Variants in COMMD1 observed in about 807,000 individuals in gnomAD.
COMMD1 encodes copper metabolism domain containing 1.
Under a neutral mutation model 17.2 loss-of-function variants are expected in COMMD1, and 10 were observed. That is an observed-to-expected ratio of 0.58 (90% confidence interval 0.36 to 0.99). The LOEUF is 0.99. COMMD1 is among the 50% of genes least tolerant of loss of function. COMMD1 has a pLI of 0.01. For missense variants in COMMD1, 270 were observed against 231.8 expected (o/e 1.17, Z -1.07); for synonymous variants, 97 against 91.6 (o/e 1.06, Z -0.34).
chr2:62,037,639 T>C (rs1670076708), intron 2 of COMMD1, among the ~76,000 whole-genome samples: 1 of 152,216 alleles, frequency 6.6e-6, no homozygotes, highest in South Asian at 2.1e-4. Context: ...AGTTATGATG[T>C]TACCCAGAAG....
At chr2:62,098,454 TTGA>T (rs1672079260) in intron 2 of COMMD1, among the ~76,000 whole-genome samples, 1 of 60,194 alleles carries the variant, frequency 1.7e-5, no homozygotes, top group Admixed American at 1.7e-4. Context: ...TCAGCTAGGG[TTGA>T]TGTCAGCTAG....
At chr2:62,052,322 G>A (rs1329720831) in intron 2 of COMMD1, among the ~76,000 whole-genome samples, 1 of 151,920 alleles carries the variant, frequency 6.6e-6, no homozygotes, top group Non-Finnish European at 1.5e-5. Context: ...TTATAACCTG[G>A]TATTTAAATA....
intron 1 of COMMD1, among the ~76,000 whole-genome samples, chr2:61,939,438 C>A (rs189935563): frequency 2.8e-4 from 43 of 151,602 alleles, no homozygotes; most frequent in African/African-American, 9.7e-4. Flanking sequence ...TGCACTCCAG[C>A]CTGGGCGACA....
chr2:62,061,960 A>G (rs1372032178), intron 2 of COMMD1, among the ~76,000 whole-genome samples: 1 of 150,056 alleles, frequency 6.7e-6, no homozygotes, highest in African/African-American at 2.5e-5. Context: ...GGAAGAAGTG[A>G]AATTAGTGAA....
chr2:61,979,758 T>A (rs535958775), intron 1 of COMMD1, among the ~76,000 whole-genome samples: 29 of 151,682 alleles, frequency 1.9e-4, no homozygotes, highest in Admixed American at 1.2e-3. Flanking sequence ...TTTTTTTTTT[T>A]TTATTATACT....
chr2:62,031,478 G>T (rs1325809282), intron 2 of COMMD1, among the ~76,000 whole-genome samples: 5 of 152,124 alleles, frequency 3.3e-5, no homozygotes, highest in African/African-American at 1.2e-4. Context: ...CTCATTGGTA[G>T]GATACTGACT....
intron 1 of COMMD1, among the ~76,000 whole-genome samples, chr2:61,949,172 AT>A (rs1253367913): frequency 2.0e-5 from 3 of 152,246 alleles, no homozygotes; most frequent in African/African-American, 7.2e-5. Flanking sequence ...AGTTATGCCA[AT>A]AAGAAAGGAA....
intron 2 of COMMD1, among the ~76,000 whole-genome samples, chr2:62,003,985 G>A (rs1433434899): frequency 6.6e-6 from 1 of 151,986 alleles, no homozygotes; most frequent in Non-Finnish European, 1.5e-5. Context: ...AAAATTAGCC[G>A]TGTGTGGTGG....
intron 2 of COMMD1, among the ~76,000 whole-genome samples, chr2:62,111,299 A>G (rs1023698672): frequency 6.6e-6 from 1 of 152,380 alleles, no homozygotes; most frequent in East Asian, 1.9e-4. Context: ...AGAGAAAAGC[A>G]TAATAAATTT....
intron 1 of COMMD1, among the ~76,000 whole-genome samples, chr2:61,924,118 T>A (rs1056432842): frequency 6.6e-6 from 1 of 152,182 alleles, no homozygotes; most frequent in Non-Finnish European, 1.5e-5. Flanking sequence ...ATGAACTGTT[T>A]CAGTGTAGCT....
chr2:62,088,326 C>T lies in COMMD1; in HGVS notation c.463-47505C>T, dbSNP rs553202627. ...CTTCCAGATTCATGTCTTTAGCTCT[C>T]CCTTTTTCTCAAAAACTCAGATCTA... is the stretch of plus-strand genomic sequence containing the variant. On this transcript the variant is annotated intron_variant, in intron 2 of 2. Coordinates refer to ENST00000311832, the MANE Select transcript of COMMD1 (RefSeq NM_152516.4). Among the ~76,000 whole-genome samples the T allele has an allele frequency of 3.3e-5, 5 of 152,184 alleles. No homozygotes were observed. In the East Asian group the frequency reaches 7.7e-4, roughly 23 times the overall value.
At chr2:61,918,822 GA>G (rs1204758042) in intron 1 of COMMD1, among the ~76,000 whole-genome samples, 2 of 152,038 alleles carry the variant, frequency 1.3e-5, no homozygotes, top group Non-Finnish European at 2.9e-5. Flanking sequence ...AAAAAATCAT[GA>G]TTTTTTTGTC....
chr2:62,033,335 T>C (rs7561406), intron 2 of COMMD1, among the ~76,000 whole-genome samples: 7,639 of 152,318 alleles, frequency 0.05, 666 homozygotes, highest in African/African-American at 0.17. Context: ...ATGCTTTCAT[T>C]ATGCTTTTAC....
intron 1 of COMMD1, among the ~76,000 whole-genome samples, chr2:61,952,905 A>G (rs998389096): frequency 1.3e-5 from 2 of 152,246 alleles, no homozygotes; most frequent in African/African-American, 4.8e-5. Flanking sequence ...AGAAACTGAT[A>G]AACTGCAGGA....
At chr2:62,106,248 T>A (rs1672321879) in intron 2 of COMMD1, among the ~76,000 whole-genome samples, 1 of 152,276 alleles carries the variant, frequency 6.6e-6, no homozygotes, top group South Asian at 2.1e-4. Flanking sequence ...ACATCATTTT[T>A]AATCAAATAA....
chr2:61,956,127 G>T (rs559871680), intron 1 of COMMD1, among the ~76,000 whole-genome samples: 1 of 152,326 alleles, frequency 6.6e-6, no homozygotes, highest in East Asian at 1.9e-4. Context: ...TGTCTAGAAA[G>T]GTTCCTTAGG....
At chr2:61,929,341 G>A (rs562177258) in intron 1 of COMMD1, among the ~76,000 whole-genome samples, 1 of 152,062 alleles carries the variant, frequency 6.6e-6, no homozygotes, top group African/African-American at 2.4e-5. Flanking sequence ...ATTTTGTCGG[G>A]GTCTAGCAAA....
chr2:61,990,774 G>T (rs1406515732), intron 1 of COMMD1, among the ~76,000 whole-genome samples: 1 of 151,636 alleles, frequency 6.6e-6, no homozygotes, highest in Non-Finnish European at 1.5e-5. Flanking sequence ...CCATGAATCA[G>T]TTATCTCCTG....
chr2:61,991,328 T>C (rs1027183158), intron 1 of COMMD1, among the ~76,000 whole-genome samples: 2 of 152,220 alleles, frequency 1.3e-5, no homozygotes, highest in African/African-American at 4.8e-5. Flanking sequence ...TTGGTAGCTT[T>C]AAAGAATTCT....
Sources: gnomAD v4.1 joint callset for allele counts (sites outside exome capture counted in the v4.1 genomes callset) on GRCh38, gnomAD v4.1.1 for gene constraint, MANE v1.5 for transcripts, NCBI Gene and HGNC (gene_info 2026-07-23, HGNC 2026-07-21) for gene names.